The following PDZD11 variants were observed in gnomAD, a reference collection of about 807,000 sequenced individuals.
PDZD11 encodes the protein PDZ domain-containing protein 11.
A neutral mutation model predicts 13.7 loss-of-function variants in PDZD11; 2 were observed. That is an observed-to-expected ratio of 0.15 (90% CI 0.06 to 0.46). PDZD11 has a LOEUF of 0.46. PDZD11 is among the 20% of genes least tolerant of loss of function. The pLI, the probability that PDZD11 is intolerant of heterozygous loss-of-function variation, is 0.98. For missense variants in PDZD11, 44 were observed against 111.7 expected, an observed-to-expected ratio of 0.39 and a Z score of 2.73; for synonymous variants, 32 against 37.5, an observed-to-expected ratio of 0.85 and a Z score of 0.54.
Position 70,286,803 on chromosome X carries a change from T to G in PDZD11, c.*279A>C. ...AAATATGACATATGTAAGGGACTAG[T>G]GCATGATATTCAATAAATGTCAGTT... On this transcript the variant is annotated 3_prime_UTR_variant, in exon 7 of 7. Coordinates refer to ENST00000239666, the MANE Select transcript of PDZD11 (RefSeq NM_016484.5). The G allele has an allele frequency of 2.7e-6, 1 of 367,057 alleles. No homozygotes were observed. The highest frequency in any genetic ancestry group is 4.7e-6 in the Non-Finnish European group (1 of 211,032). 30.2% of individuals were successfully genotyped at this position (367,057 alleles called of 1,213,427 possible).
Position 70,289,322 on chromosome X carries a change from T to G in PDZD11, c.20A>C (p.Tyr7Ser). 1 of 1,209,407 alleles carries G rather than the reference T, an allele frequency of 8.3e-7. No individual in the cohort carries two copies. The highest frequency in any genetic ancestry group is 1.1e-6 in the Non-Finnish European group (1 of 894,236). Residue 7 changes from tyrosine to serine, a missense_variant, in exon 2 of 7, where the codon TAT (tyrosine) becomes TCT (serine). Coordinates refer to ENST00000239666, the MANE Select transcript of PDZD11 (RefSeq NM_016484.5). MDSRIP[Y>S]DDYPVVFLPA... is the part of the protein sequence containing the mutation. ...CAAGAAAACCACCGGGTAGTCATCATAAGGAATCCGGCTGTCCATCTCGGG... is the reference window on the plus strand; with the variant it reads ...CAAGAAAACCACCGGGTAGTCATCAGAAGGAATCCGGCTGTCCATCTCGGG...
intron 3 of PDZD11, 77 bp from the exon 4 acceptor site, chrX:70,288,250 TA>T: frequency 1.1e-6 from 1 of 927,078 alleles, no homozygotes. Flanking sequence ...CATCGTACAA[TA>T]GCTCAGCTTG....
intron 6 of PDZD11, 50 bp from the exon 7 acceptor site, chrX:70,287,166 T>C: frequency 8.6e-7 from 1 of 1,166,680 alleles, no homozygotes; most frequent in East Asian, 3.0e-5. Context: ...ATCTTCACGC[T>C]TGAGCTCCTG....
At chrX:70,287,156 A>G in intron 6 of PDZD11, 40 bp from the exon 7 acceptor site, 1 of 1,178,983 alleles carries the variant, frequency 8.5e-7, no homozygotes, top group Non-Finnish European at 1.1e-6. Flanking sequence ...AGAGCAGGTT[A>G]TCTTCACGCT....
chrX:70,289,464 G>C (rs1188725743), intron 1 of PDZD11, 110 bp from the exon 2 acceptor site: 1 of 1,122,334 alleles, frequency 8.9e-7, no homozygotes, highest in African/African-American at 1.8e-5. Context: ...TACAGGCCCA[G>C]CCCATATCTA....
intron 5 of PDZD11, 106 bp downstream of exon 5, chrX:70,287,626 C>T (rs1434072985): frequency 8.0e-6 from 5 of 622,276 alleles, no homozygotes; most frequent in Non-Finnish European, 1.0e-5. Context: ...TACCACAGTG[C>T]CCAGCAAAAT....
At chrX:70,288,199 G>A in intron 3 of PDZD11, 26 bp from the exon 4 acceptor site, 1 of 1,168,834 alleles carries the variant, frequency 8.6e-7, no homozygotes, top group South Asian at 1.8e-5. Context: ...ACAGAATGGG[G>A]GCTCAATGGA....
chrX:70,287,003 G>A lies in PDZD11; in HGVS notation c.*79C>T, dbSNP rs755430615. ...CAACTCACTATTCCAGGGAGGGGCT[G>A]AAAACAGAAGTGGCTCCCCTGAAGT... On this transcript the variant is annotated 3_prime_UTR_variant, in exon 7 of 7. Transcript: ENST00000239666. The A allele has an allele frequency of 4.2e-5, 40 of 942,093 alleles. No individual in the cohort carries two copies. The African/African-American group carries it at 7.4e-4, about 17-fold the overall frequency. The allele number at this position is 942,093 out of a possible 1,213,427, so 77.6% of individuals were successfully genotyped here. A position where few individuals can be genotyped will look rare whatever the true frequency, so the allele number is the denominator to read the frequency against.
Position 70,289,891 on chromosome X carries a change from G to A in PDZD11, c.-45C>T, listed in dbSNP as rs1426258240. ...GCAGTCCACAGCGACCTCAGACTCCGCTCACTGACAATTCAGTCTGGGAAC... is the reference window on the plus strand; with the variant it reads ...GCAGTCCACAGCGACCTCAGACTCCACTCACTGACAATTCAGTCTGGGAAC... On this transcript the variant is annotated 5_prime_UTR_variant, in exon 1 of 7. Coordinates refer to ENST00000239666, the MANE Select transcript of PDZD11 (RefSeq NM_016484.5). 2 of 116,823 alleles carry A rather than the reference G, an allele frequency of 1.7e-5. No individual in the cohort carries two copies. Among genetic ancestry groups the A allele is most frequent in the Non-Finnish European group, 3.5e-5 (2 of 56,395 alleles). 9.6% of individuals were successfully genotyped at this position (116,823 alleles called of 1,213,427 possible). A position where few individuals can be genotyped will look rare whatever the true frequency, so the allele number is the denominator to read the frequency against.
At chrX:70,287,681 TC>T (rs1188026049) in intron 5 of PDZD11, 50 bp downstream of exon 5, 1 of 937,633 alleles carries the variant, frequency 1.1e-6, no homozygotes. Context: ...GTCCAATCTG[TC>T]CTATTTGAGA....
intron 2 of PDZD11, 150 bp downstream of exon 2, chrX:70,289,105 T>C: frequency 2.1e-6 from 1 of 482,548 alleles, no homozygotes; most frequent in East Asian, 3.7e-5. Flanking sequence ...TGGGTCCTGT[T>C]GCTCAGAATC....
chrX:70,289,426 G>A (rs2085743696), intron 1 of PDZD11, 72 bp from the exon 2 acceptor site: 1 of 1,165,927 alleles, frequency 8.6e-7, no homozygotes, highest in African/African-American at 1.8e-5. Context: ...TCAGACAGCA[G>A]CTCCAACCCA....
chrX:70,287,076 A>T lies in PDZD11; in HGVS notation c.*6T>A. ...GTCCACATGAAGGGCTGTGGGCTGC[A>T]ACTTTCTAGTGCACAGTCCTCTCTT... On this transcript the variant is annotated 3_prime_UTR_variant, in exon 7 of 7. Coordinates refer to ENST00000239666, the MANE Select transcript of PDZD11 (RefSeq NM_016484.5). 1 of 1,196,625 alleles carries T rather than the reference A, an allele frequency of 8.4e-7. No individual in the cohort carries two copies. The highest frequency in any genetic ancestry group is 1.1e-6 in the Non-Finnish European group (1 of 886,669).
chrX:70,287,474 C>G (rs1374061037), intron 5 of PDZD11, 138 bp from the exon 6 acceptor site: 1 of 531,017 alleles, frequency 1.9e-6, no homozygotes, highest in African/African-American at 2.4e-5. Context: ...AGGAGAGGTG[C>G]TTACTTTCTC....
intron 2 of PDZD11, among the ~76,000 whole-genome samples, 175 bp downstream of exon 2, chrX:70,289,080 T>C (rs1401281421): frequency 8.9e-6 from 1 of 111,878 alleles, no homozygotes; most frequent in Non-Finnish European, 1.9e-5. Context: ...GAGGCTTCCA[T>C]AAAGAAGTTC....
chrX:70,288,632 T>A (rs2085735204), intron 2 of PDZD11, 119 bp from the exon 3 acceptor site: 2 of 536,045 alleles, frequency 3.7e-6, no homozygotes, highest in Non-Finnish European at 6.3e-6. Flanking sequence ...TTAATTTAAG[T>A]AGAACAGATA....
rs1451694735 is a variant in PDZD11 at position 70,288,121 on chromosome X, G to C, written c.224C>G (p.Ser75Cys). 5.8e-6 allele frequency: 7 copies of C among 1,201,143 alleles called. No individual in the cohort carries two copies. The highest frequency in any genetic ancestry group is 7.9e-6 in the Non-Finnish European group (7 of 887,242). ...TTGCCTACTGGGCATAAATACCTTG[G>C]AGATGAAGATGCCTAGCTGGGAGGC... is the stretch of plus-strand genomic sequence containing the variant. ...GKASQLGIFI[S>C]KVIPDSDAHR... Residue 75 changes from serine to cysteine, a missense_variant, in exon 4 of 7, where the codon TCC becomes TGC. By Grantham distance (112) the Ser-to-Cys change is moderately radical. Coordinates refer to ENST00000239666, the MANE Select transcript of PDZD11 (RefSeq NM_016484.5).
rs1235004700 is a variant in PDZD11 at position 70,287,990 on chromosome X, G to A, written c.228+127C>T. 4.3e-6 allele frequency: 3 copies of A among 697,915 alleles called. No individual in the cohort carries two copies. The African/African-American group carries it at 6.4e-5, about 15-fold the overall frequency. The allele number at this position is 697,915 out of a possible 1,213,427, so 57.5% of individuals were successfully genotyped here. A position where few individuals can be genotyped will look rare whatever the true frequency, so the allele number is the denominator to read the frequency against. ...TGAAAAGTTTTAAGTGGGAAAGGGG[G>A]TGTCTCCATTATACCCCTTCTATGA... On this transcript the variant is annotated intron_variant, in intron 4 of 6. Transcript: ENST00000239666.
At chrX:70,287,615 G>C in intron 5 of PDZD11, 117 bp downstream of exon 5, 1 of 577,489 alleles carries the variant, frequency 1.7e-6, no homozygotes, top group South Asian at 2.7e-5. Context: ...TTACAGGCGT[G>C]TACCACAGTG....
Sources: allele counts gnomAD v4.1 joint callset (sites outside exome capture counted in the v4.1 genomes callset), GRCh38; gene constraint gnomAD v4.1.1; transcripts MANE v1.5; gene names NCBI Gene and HGNC (gene_info 2026-07-23, HGNC 2026-07-21).